Variants in LUZP2 observed in about 807,000 individuals in gnomAD.
LUZP2 encodes leucine zipper protein 2.
LUZP2 carries 52 observed loss-of-function variants against 51.6 expected under a neutral mutation model. That is an observed-to-expected ratio of 1.01 (90% CI 0.81 to 1.27). The LOEUF is 1.27. LUZP2 is among the 50% of genes most tolerant of loss of function. The pLI is 0.00. For synonymous variants in LUZP2, 154 were observed against 137.3 expected, an observed-to-expected ratio of 1.12 and a Z score of -0.85; for missense variants, 436 against 395.4, an observed-to-expected ratio of 1.10 and a Z score of -0.87.
chr11:24,857,288 TAC>T (rs1413406718), intron 5 of LUZP2, among the ~76,000 whole-genome samples: 4 of 79,498 alleles, frequency 5.0e-5, no homozygotes, highest in Non-Finnish European at 7.7e-5. Flanking sequence ...TATATATATA[TAC>T]ATATATATAT....
intron 9 of LUZP2, among the ~76,000 whole-genome samples, chr11:25,020,703 T>A (rs117609311): frequency 0.018 from 2,718 of 152,208 alleles, 38 homozygotes; most frequent in South Asian, 0.082. Flanking sequence ...AAGAGTAATT[T>A]GAATTCTCAG....
intron 1 of LUZP2, among the ~76,000 whole-genome samples, chr11:24,596,212 T>C (rs1350168074): frequency 6.6e-6 from 1 of 152,212 alleles, no homozygotes; most frequent in Non-Finnish European, 1.5e-5. Flanking sequence ...CTCCCACCTA[T>C]CTTGCACTTT....
chr11:25,015,301 G>A lies in LUZP2; in HGVS notation c.765+32008G>A, dbSNP rs189771983. On this transcript the variant is annotated intron_variant, in intron 9 of 11. Coordinates refer to ENST00000336930, the MANE Select transcript of LUZP2 (RefSeq NM_001009909.4). Reference sequence around the variant, plus strand: ...AGAATTCCTGTGTAACATTCACTCAGCTTCCCCTAATGTTAACATCTTATA... The same window carrying A: ...AGAATTCCTGTGTAACATTCACTCAACTTCCCCTAATGTTAACATCTTATA... Among the ~76,000 whole-genome samples the A allele has an allele frequency of 2.2e-3, 329 of 152,210 alleles. 2 individuals carry two copies. Among genetic ancestry groups the A allele is most frequent in the African/African-American group, 7.5e-3 (313 of 41,542 alleles).
intron 1 of LUZP2, among the ~76,000 whole-genome samples, chr11:24,498,809 C>G (rs1849905724): frequency 6.6e-6 from 1 of 152,072 alleles, no homozygotes; most frequent in Non-Finnish European, 1.5e-5. Context: ...ACTTTGGACA[C>G]TTAAGTAGAT....
intron 7 of LUZP2, among the ~76,000 whole-genome samples, chr11:24,945,448 G>A (rs1050980008): frequency 1.3e-5 from 2 of 151,194 alleles, no homozygotes; most frequent in African/African-American, 4.9e-5. Flanking sequence ...CCTGAATTCA[G>A]TCTTCTCCTC....
chr11:24,812,836 C>T (rs995659333), intron 5 of LUZP2, among the ~76,000 whole-genome samples: 6 of 152,138 alleles, frequency 3.9e-5, no homozygotes, highest in African/African-American at 9.7e-5. Context: ...ATAGATGATG[C>T]TTTCATACAG....
intron 10 of LUZP2, among the ~76,000 whole-genome samples, chr11:25,065,015 G>A (rs559157086): frequency 1.3e-5 from 2 of 152,028 alleles, no homozygotes; most frequent in African/African-American, 2.4e-5. Context: ...TTTGTTTGGA[G>A]ATAACATTGA....
At chr11:24,727,930 A>T (rs547572769) in intron 1 of LUZP2, among the ~76,000 whole-genome samples, 1 of 152,114 alleles carries the variant, frequency 6.6e-6, no homozygotes, top group South Asian at 2.1e-4. Context: ...TAGGAGATCT[A>T]GTTCCTTTAT....
intron 5 of LUZP2, among the ~76,000 whole-genome samples, chr11:24,833,704 G>A (rs11028202): frequency 0.093 from 5,272 of 56,508 alleles, 134 homozygotes; most frequent in South Asian, 0.13. Flanking sequence ...GCCTGCCACC[G>A]CGCGCGCGCA....
chr11:24,499,830 A>G (rs1849937401), intron 1 of LUZP2, among the ~76,000 whole-genome samples: 1 of 152,018 alleles, frequency 6.6e-6, no homozygotes, highest in Non-Finnish European at 1.5e-5. Flanking sequence ...ATACTTTGCT[A>G]TTTTATTTCC....
chr11:24,883,046 C>T (rs1299671864), intron 5 of LUZP2, among the ~76,000 whole-genome samples: 1 of 151,742 alleles, frequency 6.6e-6, no homozygotes, highest in Non-Finnish European at 1.5e-5. Flanking sequence ...GAAAATATGT[C>T]TTCTAAGACC....
chr11:24,765,522 G>T (rs181425518), intron 5 of LUZP2, among the ~76,000 whole-genome samples: 35 of 151,564 alleles, frequency 2.3e-4, no homozygotes, highest in African/African-American at 7.7e-4. Context: ...AACCGTATGG[G>T]TTTTGTTTTT....
intron 9 of LUZP2, among the ~76,000 whole-genome samples, chr11:25,019,508 A>T (rs1857266416): frequency 6.6e-6 from 1 of 152,204 alleles, no homozygotes; most frequent in Middle Eastern, 3.4e-3. Context: ...AATTATTATT[A>T]TTTTTATTTA....
chr11:24,665,071 G>A (rs560569952), intron 1 of LUZP2, among the ~76,000 whole-genome samples: 2 of 152,208 alleles, frequency 1.3e-5, no homozygotes, highest in African/African-American at 2.4e-5. Flanking sequence ...GTAGCCAGGA[G>A]CATGGCTGTA....
intron 9 of LUZP2, among the ~76,000 whole-genome samples, chr11:25,029,895 T>C (rs1477466019): frequency 6.6e-6 from 1 of 151,612 alleles, no homozygotes; most frequent in Non-Finnish European, 1.5e-5. Context: ...GTATAAACAA[T>C]TGCCATGTCA....
intron 1 of LUZP2, among the ~76,000 whole-genome samples, chr11:24,584,896 C>A (rs1853007331): frequency 6.6e-6 from 1 of 152,176 alleles, no homozygotes; most frequent in South Asian, 2.1e-4. Context: ...AAAATAGCTA[C>A]CACTAACAGA....
At chr11:25,052,151 T>G (rs1198616309) in intron 10 of LUZP2, among the ~76,000 whole-genome samples, 2 of 152,174 alleles carry the variant, frequency 1.3e-5, no homozygotes, top group Admixed American at 6.5e-5. Flanking sequence ...GCTACACCTT[T>G]TAGTACATAG....
chr11:24,875,325 T>G lies in LUZP2; in HGVS notation c.397-30666T>G, dbSNP rs532940066. 2.9e-3 allele frequency among the ~76,000 whole-genome samples: 430 copies of G among 149,872 alleles called. 3 individuals carry two copies. Among genetic ancestry groups the G allele is most frequent in the African/African-American group, 1.0e-2 (406 of 40,672 alleles). On this transcript the variant is annotated intron_variant, in intron 5 of 11. Transcript: ENST00000336930. Reference sequence around the variant, plus strand: ...TGTCCATGTGTTCTCATTGTTCAATTCCCACCTATGAGTGAGAAGATGTGG... The same window carrying G: ...TGTCCATGTGTTCTCATTGTTCAATGCCCACCTATGAGTGAGAAGATGTGG...
At chr11:24,673,893 T>G (rs140194523) in intron 1 of LUZP2, among the ~76,000 whole-genome samples, 19 of 152,312 alleles carry the variant, frequency 1.2e-4, no homozygotes, top group African/African-American at 4.3e-4. Flanking sequence ...TCTAAATTTG[T>G]TTTCTATGAC....
Sources: allele counts gnomAD v4.1 joint callset (sites outside exome capture counted in the v4.1 genomes callset), GRCh38; gene constraint gnomAD v4.1.1; transcripts MANE v1.5; gene names NCBI Gene and HGNC (gene_info 2026-07-23, HGNC 2026-07-21).